Variants in VPS13D observed in about 807,000 individuals in gnomAD.
VPS13D encodes vacuolar protein sorting 13 homolog D.
Under a neutral mutation model 461.9 loss-of-function variants are expected in VPS13D, and 187 were observed. The observed-to-expected ratio is 0.40, with a 90% CI of 0.36 to 0.46. VPS13D has a LOEUF of 0.46. Ranked by LOEUF, VPS13D falls within the 20% of genes least tolerant of loss-of-function variation. The probability of loss-of-function intolerance (pLI) is 0.60; values close to 1 mark genes in which losing one functional copy is unlikely to be tolerated. For synonymous variants in VPS13D, 1,951 were observed against 1,986.3 expected, an observed-to-expected ratio of 0.98 and a Z score of 0.47; for missense variants, 4,711 against 5,364.9, an observed-to-expected ratio of 0.88 and a Z score of 3.81.
At chr1:12,247,931 G>A (rs1557662391) in intron 5 of VPS13D, among the ~76,000 whole-genome samples, 1 of 148,292 alleles carries the variant, frequency 6.7e-6, no homozygotes, top group Non-Finnish European at 1.5e-5. Flanking sequence ...TGCCCAGGCT[G>A]GAGTGCAGTG....
At chr1:12,457,322 A>G (rs925221542) in intron 66 of VPS13D, among the ~76,000 whole-genome samples, 2 of 152,150 alleles carry the variant, frequency 1.3e-5, no homozygotes, top group Non-Finnish European at 2.9e-5. Flanking sequence ...TTGTCTATCA[A>G]AATCCTACTC....
Position 12,321,851 on chromosome 1 carries a change from T to G in VPS13D, c.7591T>G (p.Ser2531Ala), listed in dbSNP as rs765371889. The part of the protein sequence containing the change: ...RLGNEHDTAL[S>A]IVDPVQIQME... ...AGGGAATGAGCATGATACAGCTCTTTCAATTGTGGATCCCGTACAAATTCA... is the reference window on the plus strand; with the variant it reads ...AGGGAATGAGCATGATACAGCTCTTGCAATTGTGGATCCCGTACAAATTCA... Residue 2531 changes from serine (S) to alanine (A), a missense_variant, in exon 33 of 70, where the codon TCA becomes GCA. Coordinates refer to ENST00000620676, the MANE Select transcript of VPS13D (RefSeq NM_015378.4). 6.2e-7 allele frequency: 1 copy of G among 1,612,520 alleles called. No homozygotes were observed. Among genetic ancestry groups the G allele is most frequent in the Admixed American group, 1.7e-5 (1 of 59,694 alleles).
At chr1:12,503,770 C>T (rs187675762) in intron 68 of VPS13D, among the ~76,000 whole-genome samples, 2 of 152,306 alleles carry the variant, frequency 1.3e-5, no homozygotes, top group African/African-American at 2.4e-5. Flanking sequence ...GTTTTTCCAA[C>T]AGTCACTCAT....
chr1:12,345,000 C>G (rs1231897754), intron 42 of VPS13D: 1 of 162,092 alleles, frequency 6.2e-6, no homozygotes, highest in African/African-American at 2.4e-5. Flanking sequence ...ATTTTTTATG[C>G]ATTTCCAAGA....
intron 67 of VPS13D, among the ~76,000 whole-genome samples, chr1:12,477,646 G>A (rs1570250672): frequency 6.6e-6 from 1 of 152,182 alleles, no homozygotes; most frequent in African/African-American, 2.4e-5. Flanking sequence ...CACATGGATA[G>A]ATTCGGCAGG....
chr1:12,282,347 G>T (rs1641810614), intron 20 of VPS13D, among the ~76,000 whole-genome samples: 1 of 152,190 alleles, frequency 6.6e-6, no homozygotes, highest in South Asian at 2.1e-4. Context: ...TTAGAACCAT[G>T]AACCTTGTTT....
At chr1:12,316,268 C>T (rs999075357) in intron 30 of VPS13D, among the ~76,000 whole-genome samples, 7 of 152,070 alleles carry the variant, frequency 4.6e-5, no homozygotes, top group Non-Finnish European at 2.9e-5. Context: ...ATAATAAAGC[C>T]TTACCTTGGC....
chr1:12,263,467 C>G (rs1176723876), intron 13 of VPS13D, among the ~76,000 whole-genome samples: 1 of 152,108 alleles, frequency 6.6e-6, no homozygotes, highest in Non-Finnish European at 1.5e-5. Flanking sequence ...AGCAAGTAAA[C>G]AAATGTGCAA....
At chr1:12,238,432 T>C (rs1640235941) in intron 2 of VPS13D, among the ~76,000 whole-genome samples, 1 of 151,546 alleles carries the variant, frequency 6.6e-6, no homozygotes, top group Non-Finnish European at 1.5e-5. Context: ...AGTGAGACCC[T>C]ATCTCTAAAA....
intron 62 of VPS13D, among the ~76,000 whole-genome samples, chr1:12,401,955 C>T (rs987411453): frequency 2.0e-5 from 3 of 152,140 alleles, no homozygotes; most frequent in Non-Finnish European, 4.4e-5. Context: ...CAGTGGTATA[C>T]CTTTGGGAAG....
At chr1:12,466,968 ATTT>A (rs1304379553) in intron 67 of VPS13D, among the ~76,000 whole-genome samples, 2 of 152,136 alleles carry the variant, frequency 1.3e-5, no homozygotes, top group Non-Finnish European at 2.9e-5. Context: ...TTGCGTATAT[ATTT>A]GTGAGGTGAG....
intron 60 of VPS13D, among the ~76,000 whole-genome samples, chr1:12,392,523 A>G (rs1280281119): frequency 2.0e-5 from 3 of 150,576 alleles, no homozygotes; most frequent in Non-Finnish European, 2.9e-5. Flanking sequence ...TCTTGATTAA[A>G]ATAATATTAT....
chr1:12,320,052 A>G (rs956879594), intron 32 of VPS13D, among the ~76,000 whole-genome samples: 1 of 152,198 alleles, frequency 6.6e-6, no homozygotes, highest in Non-Finnish European at 1.5e-5. Context: ...TGGGAAGGGA[A>G]ACCTATTTAT....
At chr1:12,241,674 C>T (rs1220685637) in intron 2 of VPS13D, among the ~76,000 whole-genome samples, 3 of 152,152 alleles carry the variant, frequency 2.0e-5, no homozygotes, top group East Asian at 1.9e-4. Context: ...TTTTCAGCGG[C>T]GGTCCTGTTC....
At chr1:12,420,920 T>C (rs774768071) in intron 65 of VPS13D, among the ~76,000 whole-genome samples, 76 of 152,354 alleles carry the variant, frequency 5.0e-4, no homozygotes, top group Non-Finnish European at 1.1e-3. Context: ...GGTTTAGTCA[T>C]CTGTGGATAG....
rs1280057830 is a variant in VPS13D, at chr1:12,273,096, G to A, written c.2197G>A (p.Val733Ile). Residue 733 changes from valine to isoleucine, a missense_variant, in exon 18 of 70, where the codon GTC (valine) becomes ATC (isoleucine). Physicochemically the swap from Val to Ile is conservative, Grantham distance 29. Transcript: ENST00000620676. Reference sequence around the variant, plus strand: ...CAAATTCAAGAATCCTGTGTTAGTTGTCGTGGATCTAGGAAGAATGCTTTT... The same window carrying A: ...CAAATTCAAGAATCCTGTGTTAGTTATCGTGGATCTAGGAAGAATGCTTTT... ...DFKFKNPVLV[V>I]VDLGRMLLTN... The A allele has an allele frequency of 1.2e-6, 2 of 1,613,968 alleles. No homozygotes were observed. The highest frequency in any genetic ancestry group is 3.3e-5 in the Admixed American group (2 of 60,006).
rs539071656 is a variant in VPS13D, at chr1:12,267,626, A to G, written c.1726-219A>G. 2.0e-5 allele frequency among the ~76,000 whole-genome samples: 3 copies of G among 152,326 alleles called. No homozygotes were observed. In the East Asian group the frequency reaches 5.8e-4, roughly 29 times the overall value. On this transcript the variant is annotated intron_variant, in intron 14 of 69. Coordinates refer to ENST00000620676, the MANE Select transcript of VPS13D (RefSeq NM_015378.4). ...ACTGTTCATTAAATGTGCCGAGTGC[A>G]AAGTAGCATATTGTCAGTACAAAGG...
At chr1:12,348,395 A>C (rs1166759190) in intron 44 of VPS13D, among the ~76,000 whole-genome samples, 2 of 152,224 alleles carry the variant, frequency 1.3e-5, no homozygotes, top group Admixed American at 6.5e-5. Context: ...GTAGAAGACA[A>C]GCCTTTTTCA....
intron 65 of VPS13D, among the ~76,000 whole-genome samples, chr1:12,419,505 G>A (rs955481527): frequency 6.6e-6 from 1 of 152,190 alleles, no homozygotes; most frequent in African/African-American, 2.4e-5. Flanking sequence ...TCTGCTTCTG[G>A]CGAAGTCTTA....
Sources: gnomAD v4.1 joint callset for allele counts (sites outside exome capture counted in the v4.1 genomes callset) on GRCh38, gnomAD v4.1.1 for gene constraint, MANE v1.5 for transcripts, NCBI Gene and HGNC (gene_info 2026-07-23, HGNC 2026-07-21) for gene names.